Variants in ANKRD50 observed in about 807,000 individuals in gnomAD.
ANKRD50 encodes ankyrin repeat domain 50.
ANKRD50 carries 40 observed loss-of-function variants against 112.0 expected under a neutral mutation model. The ratio of observed to expected loss-of-function variants is 0.36; its 90% CI spans 0.28 to 0.46. The LOEUF is 0.46. ANKRD50 is among the 20% of genes least tolerant of loss of function. The probability of loss-of-function intolerance (pLI) is 1.00; values close to 1 mark genes in which losing one functional copy is unlikely to be tolerated. For synonymous variants in ANKRD50, 613 were observed against 619.1 expected, an observed-to-expected ratio of 0.99 and a Z score of 0.15; for missense variants, 1,487 against 1,701.7, an observed-to-expected ratio of 0.87 and a Z score of 2.22.
intron 3 of ANKRD50, among the ~76,000 whole-genome samples, chr4:124,673,884 A>G (rs541105401): frequency 6.6e-6 from 1 of 152,204 alleles, no homozygotes; most frequent in South Asian, 2.1e-4. Flanking sequence ...ATAAAAATAG[A>G]ATCTAATTTT....
Position 124,670,733 on chromosome 4 carries a change from C to A in ANKRD50, c.2544G>T (p.Trp848Cys), listed in dbSNP as rs1730624996. Residue 848 changes from tryptophan (W) to cysteine (C), a missense_variant, in exon 4 of 5, where the codon TGG becomes TGT. By Grantham distance (215) the Trp-to-Cys change is radical. Around this residue, in one of 2 missense-constraint regions of ANKRD50, gnomAD observed 1,046 missense variants for 1,269.5 expected, o/e 0.82. Coordinates refer to ENST00000504087, the MANE Select transcript of ANKRD50 (RefSeq NM_020337.3). ...CAAAAGCTGCCATGTGCAAAGGTGT[C>A]CATCCAGCATCATCTCTGTGATTTT... Reference protein sequence around the residue: ...LDENHRDDAGWTPLHMAAFEG... With the variant: ...LDENHRDDAGCTPLHMAAFEG... 1 of 1,613,584 alleles carries A rather than the reference C, an allele frequency of 6.2e-7. No homozygotes were observed. The highest frequency in any genetic ancestry group is 1.3e-5 in the African/African-American group (1 of 74,888).
intron 2 of ANKRD50, among the ~76,000 whole-genome samples, chr4:124,682,264 C>T (rs375714196): frequency 1.0e-4 from 15 of 144,452 alleles, no homozygotes; most frequent in African/African-American, 3.4e-4. Flanking sequence ...TGCAGTGAAC[C>T]GAGATTGCGC....
intron 2 of ANKRD50, among the ~76,000 whole-genome samples, chr4:124,699,367 T>C (rs992135006): frequency 2.6e-5 from 4 of 152,164 alleles, no homozygotes; most frequent in African/African-American, 9.7e-5. Flanking sequence ...CCCCAACAAA[T>C]TGCTTTCTTA....
intron 2 of ANKRD50, among the ~76,000 whole-genome samples, chr4:124,707,276 A>G (rs557079526): frequency 6.6e-6 from 1 of 152,036 alleles, no homozygotes; most frequent in Admixed American, 6.5e-5. Context: ...CTGTTGAATT[A>G]TATCTATCCA....
At position 124,674,598 on chromosome 4, in the gene ANKRD50, T is replaced by A. The variant is rs553113530; in HGVS notation, c.743-2064A>T. ...AAGTGATAAATTTTGATTGTTTTGT[T>A]TGACTTTGAAGTTTGCTCTTTTCAT... On this transcript the variant is annotated intron_variant, in intron 3 of 4. Coordinates refer to ENST00000504087, the MANE Select transcript of ANKRD50 (RefSeq NM_020337.3). Among the ~76,000 whole-genome samples the A allele has an allele frequency of 2.0e-3, 305 of 152,082 alleles. 2 individuals carry two copies. Among genetic ancestry groups the A allele is most frequent in the Middle Eastern group, 6.8e-3 (2 of 294 alleles).
chr4:124,694,225 A>G (rs968697616), intron 2 of ANKRD50, among the ~76,000 whole-genome samples: 1 of 152,202 alleles, frequency 6.6e-6, no homozygotes. Flanking sequence ...GATAATTAAA[A>G]TTAGTCCAGG....
chr4:124,688,300 C>T (rs1436886835), intron 2 of ANKRD50, among the ~76,000 whole-genome samples: 1 of 152,100 alleles, frequency 6.6e-6, no homozygotes, highest in African/African-American at 2.4e-5. Flanking sequence ...TTACATGACA[C>T]ATGGAAAAAG....
Position 124,666,581 on chromosome 4 carries a change from A to T in ANKRD50, c.*937T>A, listed in dbSNP as rs1730497208. On this transcript the variant is annotated 3_prime_UTR_variant, in exon 5 of 5. Transcript: ENST00000504087. The stretch of plus-strand genomic sequence containing the variant: ...AGCAAAATTAATTTATTTAGCCAGG[A>T]GGAAGAGGTCAGTTTAGTCAATGAA... The T allele has an allele frequency of 6.6e-6, 1 of 152,338 alleles. No homozygotes were observed. Among genetic ancestry groups the T allele is most frequent in the Admixed American group, 6.6e-5 (1 of 15,210 alleles). The allele number at this position is 152,338 out of a possible 1,614,324, so 9.4% of individuals were successfully genotyped here. A position where few individuals can be genotyped will look rare whatever the true frequency, so the allele number is the denominator to read the frequency against.
At position 124,666,022 on chromosome 4, in the gene ANKRD50, C is replaced by T. The variant is rs1262839236; in HGVS notation, c.*1496G>A. 6.6e-6 allele frequency: 1 copy of T among 151,952 alleles called. No homozygotes were observed. Among genetic ancestry groups the T allele is most frequent in the African/African-American group, 2.4e-5 (1 of 41,420 alleles). 9.4% of individuals were successfully genotyped at this position (151,952 alleles called of 1,614,324 possible). A position where few individuals can be genotyped will look rare whatever the true frequency, so the allele number is the denominator to read the frequency against. On this transcript the variant is annotated 3_prime_UTR_variant, in exon 5 of 5. Transcript: ENST00000504087. The stretch of plus-strand genomic sequence containing the variant: ...GTAGCAATGGTTTTGTGCTGAATCT[C>T]CAAATTCTCTTTCCTCATTCCTCAT...
chr4:124,691,801 G>A (rs1725145241), intron 2 of ANKRD50, among the ~76,000 whole-genome samples: 1 of 152,094 alleles, frequency 6.6e-6, no homozygotes, highest in Admixed American at 6.5e-5. Flanking sequence ...TAAAATTAGA[G>A]CAGAAGAGAA....
intron 2 of ANKRD50, among the ~76,000 whole-genome samples, chr4:124,693,114 A>G (rs925244687): frequency 6.6e-6 from 1 of 152,178 alleles, no homozygotes; most frequent in African/African-American, 2.4e-5. Context: ...TGAAAATATC[A>G]AAGAGTATAA....
At chr4:124,706,619 G>GC (rs1475374738) in intron 2 of ANKRD50, among the ~76,000 whole-genome samples, 1 of 152,038 alleles carries the variant, frequency 6.6e-6, no homozygotes, top group African/African-American at 2.4e-5. Context: ...GAATAACTGA[G>GC]ATTTTTTCAT....
intron 4 of ANKRD50, 129 bp downstream of exon 4, chr4:124,668,855 A>T (rs1158584533): frequency 1.3e-6 from 1 of 765,722 alleles, no homozygotes; most frequent in Non-Finnish European, 2.0e-6. Context: ...GTGATGAGGC[A>T]GGTCTGGCCC....
chr4:124,691,673 C>T (rs1725142854), intron 2 of ANKRD50, among the ~76,000 whole-genome samples: 2 of 152,078 alleles, frequency 1.3e-5, no homozygotes, highest in Admixed American at 1.3e-4. Context: ...TTAAAACATT[C>T]TGATGTCTCA....
rs539226953 is a variant in ANKRD50, at chr4:124,689,826, C to T, written c.513-10921G>A. Among the ~76,000 whole-genome samples, 58 of 152,254 alleles carry T rather than the reference C, an allele frequency of 3.8e-4. 1 individual carries two copies. The South Asian group carries it at 0.01, about 27-fold the overall frequency. On this transcript the variant is annotated intron_variant, in intron 2 of 4. Coordinates refer to ENST00000504087, the MANE Select transcript of ANKRD50 (RefSeq NM_020337.3). ...TCCTTACAATAAATCTCTTTTAATACATATATGGCTCTGTTTGTCTAGAGA... is the reference window on the plus strand; with the variant it reads ...TCCTTACAATAAATCTCTTTTAATATATATATGGCTCTGTTTGTCTAGAGA...
At position 124,672,163 on chromosome 4, in the gene ANKRD50, C is replaced by A. The variant is rs562836486; in HGVS notation, c.1114G>T (p.Ala372Ser). Residue 372 changes from alanine to serine, a missense_variant, in exon 4 of 5, where the codon GCA becomes TCA. By Grantham distance (99) the Ala-to-Ser change is moderately conservative (BLOSUM62 1). Coordinates refer to ENST00000504087, the MANE Select transcript of ANKRD50 (RefSeq NM_020337.3). ...AACGACATGTTTTTGGTCCATACTGCGTGATATAATTCCGTTATGGTCAAA... is the reference window on the plus strand; with the variant it reads ...AACGACATGTTTTTGGTCCATACTGAGTGATATAATTCCGTTATGGTCAAA... ...RPLTITELYH[A>S]VWTKNMSLTL... 2.5e-6 allele frequency: 4 copies of A among 1,613,736 alleles called. No individual in the cohort carries two copies. Among genetic ancestry groups the A allele is most frequent in the Non-Finnish European group, 3.4e-6 (4 of 1,179,866 alleles).
intron 2 of ANKRD50, among the ~76,000 whole-genome samples, chr4:124,709,781 C>T (rs1314109724): frequency 2.0e-5 from 3 of 152,036 alleles, no homozygotes; most frequent in East Asian, 1.9e-4. Flanking sequence ...AATTAAGATA[C>T]ACTTTTAATC....
Position 124,667,075 on chromosome 4 carries a change from T to A in ANKRD50, c.*443A>T, listed in dbSNP as rs1478458678. The A allele has an allele frequency of 6.6e-6, 1 of 151,872 alleles. No individual in the cohort carries two copies. The highest frequency in any genetic ancestry group is 1.5e-5 in the Non-Finnish European group (1 of 67,912). 9.4% of individuals were successfully genotyped at this position (151,872 alleles called of 1,614,324 possible). ...AAGATACAAGAAACAGGCCATACAC[T>A]ACAATGCAATGTGACTGAAACAGTA... On this transcript the variant is annotated 3_prime_UTR_variant, in exon 5 of 5. Transcript: ENST00000504087.
intron 2 of ANKRD50, among the ~76,000 whole-genome samples, chr4:124,695,154 AT>A (rs751097403): frequency 1.3e-5 from 2 of 152,140 alleles, no homozygotes; most frequent in Non-Finnish European, 2.9e-5. Context: ...CAAAACTTCC[AT>A]TGCAAGAACT....
Sources: gnomAD v4.1 joint callset for allele counts (sites outside exome capture counted in the v4.1 genomes callset) on GRCh38, gnomAD v4.1.1 for gene constraint, gnomAD v4.1.1 regional missense constraint, MANE v1.5 for transcripts, NCBI Gene and HGNC (gene_info 2026-07-23, HGNC 2026-07-21) for gene names.